FANK1: variants seen among roughly 807,000 people sequenced by gnomAD.
FANK1 encodes the protein fibronectin type 3 and ankyrin repeat domains protein 1.
Under a neutral mutation model 45.3 loss-of-function variants are expected in FANK1, and 44 were observed. The observed-to-expected ratio is 0.97, with a 90% CI of 0.76 to 1.25. The LOEUF (loss-of-function observed/expected upper bound fraction) is 1.25. Ranked by LOEUF, FANK1 falls within the 50% of genes most tolerant of loss-of-function variation. The pLI is 0.00. For missense variants in FANK1, 391 were observed against 424.4 expected (o/e 0.92, Z 0.69); for synonymous variants, 149 against 152.5 (o/e 0.98, Z 0.17).
intron 2 of FANK1, among the ~76,000 whole-genome samples, chr10:125,985,028 C>T (rs1182597695): frequency 6.6e-6 from 1 of 152,214 alleles, no homozygotes; most frequent in African/African-American, 2.4e-5. Flanking sequence ...CTCTTTGGAG[C>T]CATCTCTAGT....
rs114845618 is a variant in FANK1, at chr10:125,930,636, C to T, written c.13+33981C>T. Among the ~76,000 whole-genome samples the T allele has an allele frequency of 2.4e-3, 360 of 152,188 alleles. 3 individuals carry two copies. The highest frequency in any genetic ancestry group is 8.4e-3 in the African/African-American group (350 of 41,516). ...ACAAGTAGGAGCCACCGCACCTGGCCCATCTTCATTGTTCTTCAGTGTCAC... is the reference window on the plus strand; with the variant it reads ...ACAAGTAGGAGCCACCGCACCTGGCTCATCTTCATTGTTCTTCAGTGTCAC... On this transcript the variant is annotated intron_variant, in intron 1 of 10. Coordinates refer to ENST00000368693, the MANE Select transcript of FANK1 (RefSeq NM_145235.5).
chr10:125,977,646 G>A (rs1950937334), intron 1 of FANK1, among the ~76,000 whole-genome samples: 1 of 152,114 alleles, frequency 6.6e-6, no homozygotes, highest in Non-Finnish European at 1.5e-5. Context: ...GTTGTGGCCG[G>A]GGGTTATTTG....
chr10:125,912,575 T>C (rs200662548), intron 1 of FANK1, among the ~76,000 whole-genome samples: 1 of 152,068 alleles, frequency 6.6e-6, no homozygotes, highest in Non-Finnish European at 1.5e-5. Context: ...TCCTGGTTAA[T>C]AATTTACACC....
Position 126,009,552 on chromosome 10 carries a change from A to C in FANK1, c.*114A>C. 9.1e-7 allele frequency: 1 copy of C among 1,095,630 alleles called. No individual in the cohort carries two copies. Among genetic ancestry groups the C allele is most frequent in the South Asian group, 1.5e-5 (1 of 68,084 alleles). 67.9% of individuals were successfully genotyped at this position (1,095,630 alleles called of 1,614,324 possible). On this transcript the variant is annotated 3_prime_UTR_variant, in exon 11 of 11. Transcript: ENST00000368693. ...GCTGTACATTTATTTATTTAGTTGA[A>C]GATTCACTGATCCCACTTTGAAATA...
chr10:125,919,312 TCTC>T (rs1378466136), intron 1 of FANK1, among the ~76,000 whole-genome samples: 2 of 143,242 alleles, frequency 1.4e-5, no homozygotes, highest in Admixed American at 7.4e-5. Flanking sequence ...TTCAAGCAAT[TCTC>T]CTGCCTCAGC....
Position 125,983,499 on chromosome 10 carries a change from A to G in FANK1, c.191+3161A>G, listed in dbSNP as rs1183345992. Among the ~76,000 whole-genome samples, 1 of 152,208 alleles carries G rather than the reference A, an allele frequency of 6.6e-6. No individual in the cohort carries two copies. The highest frequency in any genetic ancestry group is 1.5e-5 in the Non-Finnish European group (1 of 68,036). ...AATACATACTGAGGGGCAGCAGCAT[A>G]GGAAAAATTGAGGGCCTGGGGTAGA... On this transcript the variant is annotated intron_variant, in intron 2 of 10. Coordinates refer to ENST00000368693, the MANE Select transcript of FANK1 (RefSeq NM_145235.5). The surrounding 1 kb of genome is among the most constrained non-coding windows in gnomAD (Gnocchi z 4.3).
At chr10:125,990,338 G>A (rs1951842859) in intron 3 of FANK1, among the ~76,000 whole-genome samples, 1 of 152,138 alleles carries the variant, frequency 6.6e-6, no homozygotes, top group Non-Finnish European at 1.5e-5. Context: ...AGGCTACAGT[G>A]AGCTATGGTG....
At chr10:125,941,280 T>C (rs1215301657) in intron 1 of FANK1, among the ~76,000 whole-genome samples, 2 of 151,998 alleles carry the variant, frequency 1.3e-5, no homozygotes, top group African/African-American at 2.4e-5. Flanking sequence ...ATATGGACAA[T>C]AGACATTTTG....
intron 1 of FANK1, among the ~76,000 whole-genome samples, chr10:125,930,446 C>T (rs1947675892): frequency 6.6e-6 from 1 of 152,116 alleles, no homozygotes; most frequent in Admixed American, 6.5e-5. Flanking sequence ...AAGCAATCCT[C>T]CCACCTCAGC....
chr10:125,970,281 G>A (rs2134189320), intron 1 of FANK1, among the ~76,000 whole-genome samples: 1 of 151,796 alleles, frequency 6.6e-6, no homozygotes, highest in South Asian at 2.1e-4. Context: ...CGGCTGCTGG[G>A]CGGGGGCGCC....
At chr10:125,897,057 C>G in intron 1 of FANK1, among the ~76,000 whole-genome samples, 1 of 152,308 alleles carries the variant, frequency 6.6e-6, no homozygotes, top group South Asian at 2.1e-4. Flanking sequence ...TCTAAAATGT[C>G]AGCAATTAAA....
intron 6 of FANK1, 45 bp from the exon 7 acceptor site, chr10:126,004,839 G>A: frequency 1.2e-6 from 2 of 1,603,144 alleles, no homozygotes; most frequent in Non-Finnish European, 8.5e-7. Context: ...GCTGAGTTTG[G>A]TGACTGTGCT....
At chr10:125,994,740 C>T (rs891317421) in intron 3 of FANK1, 16 of 985,250 alleles carry the variant, frequency 1.6e-5, no homozygotes, top group African/African-American at 7.0e-5. Context: ...TTGTGCTGCC[C>T]GCCTGCCTGT....
At chr10:125,980,412 A>G (rs769561690) in intron 2 of FANK1, 74 bp downstream of exon 2, 492 of 1,447,618 alleles carry the variant, frequency 3.4e-4, no homozygotes, top group Non-Finnish European at 4.4e-4. Context: ...GTTGTCTCTA[A>G]AAAGCCACTG....
At chr10:125,954,570 A>T (rs1055016623) in intron 1 of FANK1, among the ~76,000 whole-genome samples, 6 of 139,456 alleles carry the variant, frequency 4.3e-5, no homozygotes, top group African/African-American at 1.5e-4. Context: ...AAATTTCAAT[A>T]GTTCATGGAT....
intron 1 of FANK1, among the ~76,000 whole-genome samples, chr10:125,915,124 T>G (rs1946347321): frequency 6.6e-6 from 1 of 152,276 alleles, no homozygotes; most frequent in South Asian, 2.1e-4. Flanking sequence ...TGTTGTGCAT[T>G]TCTGTCAAAA....
chr10:125,941,389 A>G lies in FANK1; in HGVS notation c.14-38772A>G, dbSNP rs371349640. On this transcript the variant is annotated intron_variant, in intron 1 of 10. Transcript: ENST00000368693. Reference sequence around the variant, plus strand: ...TCGTAAGATACGATTTTGCATCTACAGGACTGGCAATAATTAAGTCTGATA... The same window carrying G: ...TCGTAAGATACGATTTTGCATCTACGGGACTGGCAATAATTAAGTCTGATA... Among the ~76,000 whole-genome samples the G allele has an allele frequency of 3.0e-4, 45 of 152,362 alleles. No homozygotes were observed. The South Asian group carries it at 8.9e-3, about 30-fold the overall frequency.
At chr10:125,975,996 C>CA (rs142133692) in intron 1 of FANK1, among the ~76,000 whole-genome samples, 2,261 of 152,230 alleles carry the variant, frequency 0.015, 61 homozygotes, top group African/African-American at 0.052. Flanking sequence ...CTGTTCCTTC[C>CA]AAGATCTCTT....
intron 1 of FANK1, among the ~76,000 whole-genome samples, chr10:125,925,755 T>C (rs1240670380): frequency 6.6e-6 from 1 of 152,228 alleles, no homozygotes; most frequent in African/African-American, 2.4e-5. Context: ...ATTTTAAATA[T>C]GACTTAAAAA....
Sources: allele counts gnomAD v4.1 joint callset (sites outside exome capture counted in the v4.1 genomes callset), GRCh38; gene constraint gnomAD v4.1.1; non-coding constraint Gnocchi (gnomAD v3.1); transcripts MANE v1.5; gene names NCBI Gene and HGNC (gene_info 2026-07-23, HGNC 2026-07-21).